The following NRP1 variants were observed in gnomAD, a reference collection of about 807,000 sequenced individuals.
NRP1 encodes the protein neuropilin-1.
NRP1 carries 35 observed loss-of-function variants against 106.7 expected under a neutral mutation model. That is an observed-to-expected ratio of 0.33 (90% confidence interval 0.25 to 0.43). The LOEUF (loss-of-function observed/expected upper bound fraction) is 0.43. Among genes scored for constraint, NRP1 ranks in the 20% least tolerant of loss-of-function variants. NRP1 has a pLI of 1.00. For synonymous variants in NRP1, 437 were observed against 417.9 expected (o/e 1.05, Z -0.56); for missense variants, 1,024 against 1,170.4 (o/e 0.87, Z 1.83).
Position 33,233,595 on chromosome 10 carries a change from T to C in NRP1, c.982-7306A>G, listed in dbSNP as rs150116168. ...ATGTCATAACGTGGAAAGCCTCATT[T>C]CTAAAATGAAAATCTGTCTTACTCA... On this transcript the variant is annotated intron_variant, in intron 6 of 16. Transcript: ENST00000374867. 9.4e-3 allele frequency among the ~76,000 whole-genome samples: 1,432 copies of C among 152,298 alleles called. 12 individuals carry two copies. The highest frequency in any genetic ancestry group is 0.014 in the Non-Finnish European group (932 of 68,022).
intron 4 of NRP1, 151 bp from the exon 5 acceptor site, chr10:33,256,622 A>G (rs1842216198): frequency 1.2e-6 from 1 of 827,236 alleles, no homozygotes; most frequent in Non-Finnish European, 1.9e-6. Flanking sequence ...TTTGCTGTGA[A>G]CATATTGGAT....
At chr10:33,247,818 G>A (rs1841535228) in intron 6 of NRP1, among the ~76,000 whole-genome samples, 1 of 152,120 alleles carries the variant, frequency 6.6e-6, no homozygotes, top group Non-Finnish European at 1.5e-5. Flanking sequence ...TCTGAGGAAG[G>A]ATATCCACGT....
intron 6 of NRP1, among the ~76,000 whole-genome samples, chr10:33,230,350 C>T (rs1451069481): frequency 6.6e-6 from 1 of 152,156 alleles, no homozygotes; most frequent in Non-Finnish European, 1.5e-5. Flanking sequence ...CCAAAATTTG[C>T]CACTTTGGCA....
intron 2 of NRP1, among the ~76,000 whole-genome samples, chr10:33,330,093 T>C (rs2132964285): frequency 6.6e-6 from 1 of 152,296 alleles, no homozygotes; most frequent in Middle Eastern, 3.4e-3. Context: ...ATTCATCGTG[T>C]CTTAACAATT....
chr10:33,242,778 G>C (rs956292815), intron 6 of NRP1, among the ~76,000 whole-genome samples: 9 of 152,068 alleles, frequency 5.9e-5, no homozygotes, highest in African/African-American at 1.9e-4. Context: ...TCTGAGATGG[G>C]ATCTACCTGC....
intron 10 of NRP1, chr10:33,206,278 G>T (rs1166932839): frequency 1.9e-6 from 1 of 518,994 alleles, no homozygotes; most frequent in Admixed American, 1.9e-5. Context: ...AGTGGAGTCT[G>T]CCCATCTCTT....
intron 2 of NRP1, among the ~76,000 whole-genome samples, chr10:33,285,833 A>AAAAC (rs1844486507): frequency 6.8e-6 from 1 of 148,056 alleles, no homozygotes; most frequent in African/African-American, 2.5e-5. Context: ...ACTCCATCTC[A>AAAAC]AAAACAAAAC....
chr10:33,334,272 G>C, intron 1 of NRP1, 38 bp downstream of exon 1: 1 of 1,527,558 alleles, frequency 6.5e-7, no homozygotes, highest in Non-Finnish European at 8.8e-7. Flanking sequence ...CTGGGAGCCG[G>C]GGCGCCGCTG....
intron 2 of NRP1, among the ~76,000 whole-genome samples, chr10:33,277,503 C>T (rs1413924360): frequency 6.6e-6 from 1 of 152,242 alleles, no homozygotes; most frequent in Non-Finnish European, 1.5e-5. Flanking sequence ...GCCACCAGCG[C>T]TGCCACCAGC....
intron 6 of NRP1, among the ~76,000 whole-genome samples, chr10:33,230,595 ATATGTGTGTGTGTG>A (rs1207457558): frequency 8.6e-6 from 1 of 116,670 alleles, no homozygotes; most frequent in Non-Finnish European, 1.7e-5. Flanking sequence ...AGTTTCTCAT[ATATGTGTGTGTGTG>A]TGTGTGTGTG....
intron 12 of NRP1, chr10:33,195,487 G>C (rs1836716825): frequency 1.9e-6 from 1 of 533,244 alleles, no homozygotes. Flanking sequence ...AAGACTCTGA[G>C]TTGAGTCTAT....
chr10:33,263,244 T>C (rs1049270392), intron 4 of NRP1, among the ~76,000 whole-genome samples: 2 of 152,228 alleles, frequency 1.3e-5, no homozygotes, highest in Admixed American at 1.3e-4. Flanking sequence ...TCTGCATTTA[T>C]AAAATGAGTG....
At chr10:33,224,824 G>A (rs567798349) in intron 7 of NRP1, among the ~76,000 whole-genome samples, 131 of 152,158 alleles carry the variant, frequency 8.6e-4, no homozygotes, top group East Asian at 3.3e-3. Flanking sequence ...GTGTTGTTTG[G>A]TTTTCTCCTC....
At chr10:33,271,291 T>A (rs1843297443) in intron 2 of NRP1, among the ~76,000 whole-genome samples, 1 of 152,218 alleles carries the variant, frequency 6.6e-6, no homozygotes. Context: ...GAGCTCTCTA[T>A]GAACAATACT....
intron 6 of NRP1, among the ~76,000 whole-genome samples, chr10:33,243,532 G>C (rs1038139242): frequency 3.3e-5 from 5 of 152,182 alleles, no homozygotes; most frequent in Non-Finnish European, 7.3e-5. Flanking sequence ...AAAATATGTA[G>C]TTAGAAGTTT....
At chr10:33,301,404 C>T (rs1000424813) in intron 2 of NRP1, among the ~76,000 whole-genome samples, 1 of 152,192 alleles carries the variant, frequency 6.6e-6, no homozygotes, top group Non-Finnish European at 1.5e-5. Context: ...ATGTGAGCAA[C>T]TTGTAAACAG....
chr10:33,261,167 A>T (rs1842547689), intron 4 of NRP1, among the ~76,000 whole-genome samples: 1 of 152,162 alleles, frequency 6.6e-6, no homozygotes, highest in African/African-American at 2.4e-5. Context: ...CATAGTTTAA[A>T]ACATGCGTAA....
intron 3 of NRP1, among the ~76,000 whole-genome samples, chr10:33,268,229 C>T (rs958563669): frequency 8.6e-5 from 13 of 152,032 alleles, no homozygotes; most frequent in African/African-American, 3.1e-4. Flanking sequence ...TTGAGCAGGA[C>T]CTCAATCTTG....
At chr10:33,222,843 A>G (rs1235992014) in intron 7 of NRP1, among the ~76,000 whole-genome samples, 2 of 152,182 alleles carry the variant, frequency 1.3e-5, no homozygotes, top group Non-Finnish European at 2.9e-5. Flanking sequence ...AAGAAAGATG[A>G]GGCATGTGAC....
Sources: gnomAD v4.1 joint callset for allele counts (sites outside exome capture counted in the v4.1 genomes callset) on GRCh38, gnomAD v4.1.1 for gene constraint, MANE v1.5 for transcripts, NCBI Gene and HGNC (gene_info 2026-07-23, HGNC 2026-07-21) for gene names.